TMEM170B: variants seen among roughly 807,000 people sequenced by gnomAD.
TMEM170B encodes the protein transmembrane protein 170B.
Under a neutral mutation model 13.0 loss-of-function variants are expected in TMEM170B, and 6 were observed. The observed-to-expected ratio is 0.46, with a 90% CI of 0.25 to 0.91. The LOEUF is 0.91. Among genes scored for constraint, TMEM170B ranks in the 40% least tolerant of loss-of-function variants. TMEM170B has a pLI of 0.17. For missense variants in TMEM170B, 138 were observed against 165.2 expected, an observed-to-expected ratio of 0.84 and a Z score of 0.90; for synonymous variants, 61 against 64.9, an observed-to-expected ratio of 0.94 and a Z score of 0.29.
Position 11,579,366 on chromosome 6 carries a change from T to C in TMEM170B, c.*3805T>C, listed in dbSNP as rs1759921658. The C allele has an allele frequency of 6.6e-6, 1 of 152,238 alleles. No homozygotes were observed. The highest frequency in any genetic ancestry group is 1.5e-5 in the Non-Finnish European group (1 of 68,030). 9.4% of individuals were successfully genotyped at this position (152,238 alleles called of 1,614,324 possible). On this transcript the variant is annotated 3_prime_UTR_variant, in exon 3 of 3. Transcript: ENST00000379426. Reference sequence around the variant, plus strand: ...TGACTAATACCTCATGTAGTTATTGTGAGGATTACGTGAGATTGTTTATGA... The same window carrying C: ...TGACTAATACCTCATGTAGTTATTGCGAGGATTACGTGAGATTGTTTATGA...
chr6:11,552,590 T>C lies in TMEM170B; in HGVS notation c.98-13076T>C, dbSNP rs558511225. Among the ~76,000 whole-genome samples, 14 of 152,332 alleles carry C rather than the reference T, an allele frequency of 9.2e-5. No individual in the cohort carries two copies. In the South Asian group the frequency reaches 2.9e-3, roughly 32 times the overall value. On this transcript the variant is annotated intron_variant, in intron 1 of 2. Transcript: ENST00000379426. ...GAAGGGAAGTTGAGGTTGGGTTTTA[T>C]TGCCTCTCAGAGTTTGTATTACACA...
rs1759983969 is a variant in TMEM170B at position 11,583,420 on chromosome 6, C to T, written c.*7859C>T. 1 of 152,096 alleles carries T rather than the reference C, an allele frequency of 6.6e-6. No homozygotes were observed. Among genetic ancestry groups the T allele is most frequent in the Admixed American group, 6.6e-5 (1 of 15,264 alleles). 9.4% of individuals were successfully genotyped at this position (152,096 alleles called of 1,614,324 possible). A position where few individuals can be genotyped will look rare whatever the true frequency, so the allele number is the denominator to read the frequency against. ...AATCCAGCACTTAAATGTCATTACA[C>T]AGAATTTATTGGATTAAAAATTTGT... is the stretch of plus-strand genomic sequence containing the variant. On this transcript the variant is annotated 3_prime_UTR_variant, in exon 3 of 3. Coordinates refer to ENST00000379426, the MANE Select transcript of TMEM170B (RefSeq NM_001100829.3).
rs78365929 is a variant in TMEM170B at position 11,554,191 on chromosome 6, A to G, written c.98-11475A>G. ...TTTCAGTATTTAGTATAAATATCCC[A>G]TGGAAATGTTATATTATGAGATTGT... On this transcript the variant is annotated intron_variant, in intron 1 of 2. Transcript: ENST00000379426. Among the ~76,000 whole-genome samples, 708 of 152,170 alleles carry G rather than the reference A, an allele frequency of 4.7e-3. 6 individuals are homozygous for G. The highest frequency in any genetic ancestry group is 0.016 in the African/African-American group (678 of 41,544).
rs1759890380 is a variant in TMEM170B at position 11,577,226 on chromosome 6, A to G, written c.*1665A>G. 1 of 152,110 alleles carries G rather than the reference A, an allele frequency of 6.6e-6. No homozygotes were observed. The highest frequency in any genetic ancestry group is 2.4e-5 in the African/African-American group (1 of 41,454). The allele number at this position is 152,110 out of a possible 1,614,324, so 9.4% of individuals were successfully genotyped here. A position where few individuals can be genotyped will look rare whatever the true frequency, so the allele number is the denominator to read the frequency against. ...GAGGCAGTACTTTTCTCAGTATGGA[A>G]GCCAATTTGGGAGATTTACTAACAC... is the stretch of plus-strand genomic sequence containing the variant. On this transcript the variant is annotated 3_prime_UTR_variant, in exon 3 of 3. Coordinates refer to ENST00000379426, the MANE Select transcript of TMEM170B (RefSeq NM_001100829.3).
chr6:11,574,890 A>C (rs2113784863), intron 2 of TMEM170B, among the ~76,000 whole-genome samples: 1 of 152,266 alleles, frequency 6.6e-6, no homozygotes, highest in East Asian at 1.9e-4. Flanking sequence ...AAAAAGCAAG[A>C]ACTATTTTGT....
At chr6:11,560,858 A>G (rs1447515158) in intron 1 of TMEM170B, among the ~76,000 whole-genome samples, 1 of 152,242 alleles carries the variant, frequency 6.6e-6, no homozygotes, top group Non-Finnish European at 1.5e-5. Flanking sequence ...TTAGACATCT[A>G]GAGAAATTCA....
At chr6:11,573,482 A>T (rs1237910218) in intron 2 of TMEM170B, among the ~76,000 whole-genome samples, 1 of 152,120 alleles carries the variant, frequency 6.6e-6, no homozygotes, top group African/African-American at 2.4e-5. Context: ...TCATCTCTTA[A>T]TCTTCGTGCC....
At chr6:11,542,369 G>C (rs946385220) in intron 1 of TMEM170B, among the ~76,000 whole-genome samples, 4 of 152,152 alleles carry the variant, frequency 2.6e-5, no homozygotes, top group African/African-American at 9.7e-5. Context: ...CCATTAAGCT[G>C]ATAATAGTAG....
chr6:11,552,072 T>C (rs1422114187), intron 1 of TMEM170B, among the ~76,000 whole-genome samples: 1 of 152,194 alleles, frequency 6.6e-6, no homozygotes, highest in Non-Finnish European at 1.5e-5. Context: ...TCGATAAATG[T>C]GGAATTAGGA....
At position 11,579,822 on chromosome 6, in the gene TMEM170B, ATTC is replaced by A. The variant is rs1759928154; in HGVS notation, c.*4267_*4269del. 6.6e-6 allele frequency: 1 copy of A among 152,186 alleles called. No homozygotes were observed. Among genetic ancestry groups the A allele is most frequent in the Non-Finnish European group, 1.5e-5 (1 of 68,050 alleles). The allele number at this position is 152,186 out of a possible 1,614,324, so 9.4% of individuals were successfully genotyped here. Reference sequence around the variant, plus strand: ...ATTGACTTTCTGCTATTTGCTAATTATTCTTCTTGAAAAGTAAGAGCGATATAT... The same window carrying A: ...ATTGACTTTCTGCTATTTGCTAATTATTCTTGAAAAGTAAGAGCGATATAT... On this transcript the variant is annotated 3_prime_UTR_variant, in exon 3 of 3. Transcript: ENST00000379426.
intron 1 of TMEM170B, among the ~76,000 whole-genome samples, chr6:11,546,401 A>G (rs972760623): frequency 6.6e-6 from 1 of 152,234 alleles, no homozygotes; most frequent in Non-Finnish European, 1.5e-5. Flanking sequence ...AAAAAGTTAC[A>G]GTAAGCTAAG....
intron 1 of TMEM170B, among the ~76,000 whole-genome samples, chr6:11,541,874 C>G (rs1366127075): frequency 6.6e-6 from 1 of 151,954 alleles, no homozygotes; most frequent in African/African-American, 2.4e-5. Context: ...TAGGGAAACC[C>G]GAGGAGAGGG....
chr6:11,542,493 C>G (rs1759375831), intron 1 of TMEM170B, among the ~76,000 whole-genome samples: 1 of 151,396 alleles, frequency 6.6e-6, no homozygotes, highest in African/African-American at 2.5e-5. Flanking sequence ...CAAACTAGGA[C>G]TGAGGCGGGA....
chr6:11,572,596 T>C (rs1363020877), intron 2 of TMEM170B, among the ~76,000 whole-genome samples: 1 of 152,092 alleles, frequency 6.6e-6, no homozygotes, highest in Non-Finnish European at 1.5e-5. Context: ...TAAGTTAGAG[T>C]TTAAAAATTT....
intron 2 of TMEM170B, among the ~76,000 whole-genome samples, chr6:11,566,706 C>T (rs1759737314): frequency 6.6e-6 from 1 of 152,234 alleles, no homozygotes; most frequent in Non-Finnish European, 1.5e-5. Flanking sequence ...CCCATTTAAC[C>T]TTGGTGCTAT....
chr6:11,561,973 A>ACT (rs1759670636), intron 1 of TMEM170B, among the ~76,000 whole-genome samples: 1 of 152,184 alleles, frequency 6.6e-6, no homozygotes, highest in Non-Finnish European at 1.5e-5. Flanking sequence ...AATGTCAGAT[A>ACT]ATTTCCTGTT....
At position 11,579,535 on chromosome 6, in the gene TMEM170B, T is replaced by C. The variant is rs1759923865; in HGVS notation, c.*3974T>C. 6.6e-6 allele frequency: 1 copy of C among 152,236 alleles called. No individual in the cohort carries two copies. Among genetic ancestry groups the C allele is most frequent in the Non-Finnish European group, 1.5e-5 (1 of 68,046 alleles). 9.4% of individuals were successfully genotyped at this position (152,236 alleles called of 1,614,324 possible). A position where few individuals can be genotyped will look rare whatever the true frequency, so the allele number is the denominator to read the frequency against. ...TTTTGTTTCATTTCTATATTTTCCTTACATATGCTTTAGGAAAGAAACTAA... is the reference window on the plus strand; with the variant it reads ...TTTTGTTTCATTTCTATATTTTCCTCACATATGCTTTAGGAAAGAAACTAA... On this transcript the variant is annotated 3_prime_UTR_variant, in exon 3 of 3. Transcript: ENST00000379426.
chr6:11,545,221 A>G (rs1009617124), intron 1 of TMEM170B, among the ~76,000 whole-genome samples: 9 of 151,392 alleles, frequency 5.9e-5, no homozygotes, highest in African/African-American at 2.2e-4. Flanking sequence ...GGTAATAAGC[A>G]TTGGGAGGCT....
chr6:11,550,775 G>A (rs1234575946), intron 1 of TMEM170B, among the ~76,000 whole-genome samples: 1 of 152,158 alleles, frequency 6.6e-6, no homozygotes, highest in Non-Finnish European at 1.5e-5. Flanking sequence ...CTTACGGAGT[G>A]TCTAAGCCAT....
Sources: allele counts gnomAD v4.1 joint callset (sites outside exome capture counted in the v4.1 genomes callset), GRCh38; gene constraint gnomAD v4.1.1; transcripts MANE v1.5; gene names NCBI Gene and HGNC (gene_info 2026-07-23, HGNC 2026-07-21).